Variants in CHCHD3 observed in about 807,000 individuals in gnomAD.
The protein encoded by CHCHD3 is coiled-coil-helix-coiled-coil-helix domain containing 3, also known as MICOS complex subunit MIC19.
CHCHD3 carries 20 observed loss-of-function variants against 38.2 expected under a neutral mutation model. That is an observed-to-expected ratio of 0.52 (90% CI 0.37 to 0.76). CHCHD3 has a LOEUF of 0.76. Ranked by LOEUF, CHCHD3 falls within the 30% of genes least tolerant of loss-of-function variation. The probability of loss-of-function intolerance (pLI) is 0.00; values close to 1 mark genes in which losing one functional copy is unlikely to be tolerated. For synonymous variants in CHCHD3, 82 were observed against 100.0 expected (o/e 0.82, Z 1.07); for missense variants, 245 against 279.2 (o/e 0.88, Z 0.87).
At chr7:133,081,647 C>T (rs1284942502) in intron 1 of CHCHD3, among the ~76,000 whole-genome samples, 1 of 152,244 alleles carries the variant, frequency 6.6e-6, no homozygotes, top group Non-Finnish European at 1.5e-5. Flanking sequence ...CCCGCCCCAG[C>T]AGTGCCTAGC....
intron 1 of CHCHD3, among the ~76,000 whole-genome samples, chr7:133,079,006 A>G (rs977571933): frequency 2.0e-5 from 3 of 152,218 alleles, no homozygotes; most frequent in African/African-American, 7.2e-5. Context: ...CATGTCTCAG[A>G]AGGGAACAAA....
At chr7:132,865,787 G>A (rs1808607878) in intron 5 of CHCHD3, among the ~76,000 whole-genome samples, 1 of 152,180 alleles carries the variant, frequency 6.6e-6, no homozygotes, top group Non-Finnish European at 1.5e-5. Flanking sequence ...GAGCAGGGAG[G>A]AGGAGGTAAC....
At chr7:132,903,696 C>T (rs1189386489) in intron 4 of CHCHD3, among the ~76,000 whole-genome samples, 1 of 152,162 alleles carries the variant, frequency 6.6e-6, no homozygotes, top group African/African-American at 2.4e-5. Flanking sequence ...CTGCTTATGG[C>T]TATAGTTATT....
intron 2 of CHCHD3, among the ~76,000 whole-genome samples, chr7:133,062,640 C>G (rs977813362): frequency 9.2e-5 from 14 of 152,116 alleles, no homozygotes; most frequent in Admixed American, 2.0e-4. Context: ...AAAACAGCGT[C>G]TTTTTTCTCT....
chr7:132,809,132 T>TC (rs954168452), intron 6 of CHCHD3, among the ~76,000 whole-genome samples: 1 of 151,082 alleles, frequency 6.6e-6, no homozygotes, highest in African/African-American at 2.4e-5. Flanking sequence ...GTGATTTTTT[T>TC]TTTTTTTTTG....
chr7:132,977,016 C>A (rs997189319), intron 3 of CHCHD3, among the ~76,000 whole-genome samples: 1 of 152,158 alleles, frequency 6.6e-6, no homozygotes, highest in South Asian at 2.1e-4. Flanking sequence ...GGGAAACTTC[C>A]TAAGCAATAA....
At chr7:132,959,408 G>T (rs2117302978) in intron 4 of CHCHD3, among the ~76,000 whole-genome samples, 1 of 152,270 alleles carries the variant, frequency 6.6e-6, no homozygotes, top group South Asian at 2.1e-4. Context: ...AGTTTCTCAA[G>T]GATAGCAGAC....
At chr7:132,787,557 G>A (rs982742517) in intron 7 of CHCHD3, among the ~76,000 whole-genome samples, 2 of 152,026 alleles carry the variant, frequency 1.3e-5, no homozygotes, top group Non-Finnish European at 2.9e-5. Flanking sequence ...GGCAATTTTG[G>A]GTGAGACATC....
In CHCHD3 at chr7:133,022,627, T is replaced by A. The variant is rs1011955963; in HGVS notation, c.251+1919A>T. On this transcript the variant is annotated intron_variant, in intron 3 of 7. Coordinates refer to ENST00000262570, the MANE Select transcript of CHCHD3 (RefSeq NM_017812.4). ...AGGAGGCTTCAAACAAAACTTTTTT[T>A]AAAAAAGAAAAAATAATACAAAGGC... The A allele has an allele frequency of 1.5e-4, 59 of 395,738 alleles. No homozygotes were observed. In the East Asian group the frequency reaches 3.2e-3, roughly 21 times the overall value. 24.5% of individuals were successfully genotyped at this position (395,738 alleles called of 1,614,324 possible).
chr7:133,055,364 GATTATAATTA>G (rs1562949974), intron 2 of CHCHD3, among the ~76,000 whole-genome samples: 1 of 143,266 alleles, frequency 7.0e-6, no homozygotes, highest in African/African-American at 2.5e-5. Flanking sequence ...TTATATATTT[GATTATAATTA>G]ATTATAATTA....
At chr7:132,946,528 T>C (rs1386360968) in intron 4 of CHCHD3, among the ~76,000 whole-genome samples, 1 of 151,888 alleles carries the variant, frequency 6.6e-6, no homozygotes, top group African/African-American at 2.4e-5. Flanking sequence ...ATTAAACTTT[T>C]ATTGTTACAG....
At chr7:132,839,804 A>G (rs1807891792) in intron 5 of CHCHD3, among the ~76,000 whole-genome samples, 1 of 152,214 alleles carries the variant, frequency 6.6e-6, no homozygotes, top group African/African-American at 2.4e-5. Context: ...AGAGCCATAG[A>G]CAGGTCACCA....
At chr7:132,956,640 C>A (rs1236423330) in intron 4 of CHCHD3, among the ~76,000 whole-genome samples, 1 of 152,164 alleles carries the variant, frequency 6.6e-6, no homozygotes, top group African/African-American at 2.4e-5. Flanking sequence ...CATATTTCTG[C>A]CTCTTTGTTT....
chr7:132,990,923 C>A (rs1197911396), intron 3 of CHCHD3, among the ~76,000 whole-genome samples: 1 of 148,586 alleles, frequency 6.7e-6, no homozygotes, highest in African/African-American at 2.5e-5. Context: ...ATGTGAGTGG[C>A]CTTTCTGCTC....
At chr7:132,924,688 C>T (rs535740692) in intron 4 of CHCHD3, among the ~76,000 whole-genome samples, 5 of 152,156 alleles carry the variant, frequency 3.3e-5, no homozygotes, top group South Asian at 4.1e-4. Context: ...CTTTAAAGGA[C>T]TCCCCACTTA....
chr7:132,798,591 A>G (rs1160872322), intron 6 of CHCHD3, among the ~76,000 whole-genome samples: 2 of 152,170 alleles, frequency 1.3e-5, no homozygotes, highest in South Asian at 2.1e-4. Flanking sequence ...GTTACATTCT[A>G]TCCTAGTGTT....
At position 132,955,018 on chromosome 7, in the gene CHCHD3, C is replaced by G. The variant is rs1036538365; in HGVS notation, c.369+20151G>C. On this transcript the variant is annotated intron_variant, in intron 4 of 7. Coordinates refer to ENST00000262570, the MANE Select transcript of CHCHD3 (RefSeq NM_017812.4). ...AAGGAATTGCAAAGTGGGAAGCCAT[C>G]AAAAACGGTAACTGCAACTGGGGAA... is the stretch of plus-strand genomic sequence containing the variant. Among the ~76,000 whole-genome samples, 11 of 152,164 alleles carry G rather than the reference C, an allele frequency of 7.2e-5. No individual in the cohort carries two copies. In the South Asian group the frequency reaches 1.7e-3, roughly 23 times the overall value.
intron 6 of CHCHD3, among the ~76,000 whole-genome samples, chr7:132,827,430 G>A (rs1807534191): frequency 6.6e-6 from 1 of 152,198 alleles, no homozygotes; most frequent in African/African-American, 2.4e-5. Flanking sequence ...CAGACTACAT[G>A]TTGTGGACCT....
At chr7:132,955,692 A>AAT (rs1811147628) in intron 4 of CHCHD3, among the ~76,000 whole-genome samples, 2 of 152,124 alleles carry the variant, frequency 1.3e-5, no homozygotes, top group African/African-American at 4.8e-5. Flanking sequence ...GGCCCATGGC[A>AAT]ATAGGTGGAG....
Sources: gnomAD v4.1 joint callset for allele counts (sites outside exome capture counted in the v4.1 genomes callset) on GRCh38, gnomAD v4.1.1 for gene constraint, MANE v1.5 for transcripts, NCBI Gene and HGNC (gene_info 2026-07-23, HGNC 2026-07-21) for gene names.